CYP26B1: variants seen among roughly 807,000 people sequenced by gnomAD.
CYP26B1 encodes the protein cytochrome P450 26B1.
A neutral mutation model predicts 39.1 loss-of-function variants in CYP26B1; 8 were observed. The observed-to-expected ratio is 0.20, with a 90% CI of 0.12 to 0.37. The LOEUF (loss-of-function observed/expected upper bound fraction) is 0.37. CYP26B1 is among the 10% of genes least tolerant of loss of function. The probability of loss-of-function intolerance (pLI) is 1.00; values close to 1 mark genes in which losing one functional copy is unlikely to be tolerated. For missense variants in CYP26B1, 615 were observed against 707.0 expected (o/e 0.87, Z 1.48); for synonymous variants, 321 against 314.3 (o/e 1.02, Z -0.23).
rs369577250 is a variant in CYP26B1, at chr2:72,135,294, C to A, written c.555G>T (p.Ala185=). 1.2e-6 allele frequency: 2 copies of A among 1,614,102 alleles called. No individual in the cohort carries two copies. The highest frequency in any genetic ancestry group is 1.7e-6 in the Non-Finnish European group (2 of 1,180,050). ...TGGCCATGCGGAAGGTCAGCTTCTG[C>A]GCCTCCTGGTACACGTTGATGGCCT... The part of the protein sequence containing the change: ...HPEAINVYQE[A]QKLTFRMAIR... Residue 185 remains alanine (A), a synonymous_variant, in exon 3 of 6, where the codon GCG becomes GCT. Coordinates refer to ENST00000001146, the MANE Select transcript of CYP26B1 (RefSeq NM_019885.4).
intron 1 of CYP26B1, among the ~76,000 whole-genome samples, chr2:72,144,711 GTGT>G (rs1677068142): frequency 6.6e-6 from 1 of 152,220 alleles, no homozygotes; most frequent in Non-Finnish European, 1.5e-5. Flanking sequence ...CCGCTCTCCG[GTGT>G]GGCCCGCGCA....
chr2:72,133,088 C>G lies in CYP26B1; in HGVS notation c.1081G>C (p.Val361Leu). The G allele has an allele frequency of 6.2e-7, 1 of 1,613,256 alleles. No individual in the cohort carries two copies. Among genetic ancestry groups the G allele is most frequent in the Non-Finnish European group, 8.5e-7 (1 of 1,180,004 alleles). Residue 361 changes from valine (V) to leucine (L), a missense_variant, in exon 5 of 6, where the codon GTC becomes CTC. Coordinates refer to ENST00000001146, the MANE Select transcript of CYP26B1 (RefSeq NM_019885.4). ...GAAATGGGCGTGAACAGGCGCATGA[C>G]CTCCTTGATGACGCAGTCCAGGTAG... ...LRYLDCVIKEVMRLFTPISGG... is the reference protein window; with the variant it reads ...LRYLDCVIKELMRLFTPISGG...
At chr2:72,133,667 C>T (rs1023694042) in intron 4 of CYP26B1, among the ~76,000 whole-genome samples, 11 of 152,338 alleles carry the variant, frequency 7.2e-5, no homozygotes, top group African/African-American at 2.6e-4. Flanking sequence ...TCCCAAGGAG[C>T]CAGGCCCTGC....
At chr2:72,145,163 G>A (rs543643912) in intron 1 of CYP26B1, among the ~76,000 whole-genome samples, 141 of 152,298 alleles carry the variant, frequency 9.3e-4, no homozygotes, top group African/African-American at 3.3e-3. Context: ...GCCCACGAGC[G>A]TACCGACTCG....
intron 2 of CYP26B1, among the ~76,000 whole-genome samples, chr2:72,139,131 G>C (rs1558969904): frequency 6.6e-6 from 1 of 152,104 alleles, no homozygotes; most frequent in Non-Finnish European, 1.5e-5. Context: ...AGCCGGAGTG[G>C]GGACCCACTG....
intron 2 of CYP26B1, among the ~76,000 whole-genome samples, chr2:72,139,292 C>T (rs536316639): frequency 6.6e-6 from 1 of 152,322 alleles, no homozygotes; most frequent in Admixed American, 6.5e-5. Context: ...CAGCCGTCCG[C>T]ACAGGGGTGA....
intron 2 of CYP26B1, among the ~76,000 whole-genome samples, chr2:72,141,568 A>G (rs1441004843): frequency 6.6e-6 from 1 of 152,214 alleles, no homozygotes; most frequent in African/African-American, 2.4e-5. Flanking sequence ...GTCCTGGCCC[A>G]GCAGCCCACA....
At chr2:72,143,404 G>T (rs1280440735) in intron 2 of CYP26B1, among the ~76,000 whole-genome samples, 1 of 151,264 alleles carries the variant, frequency 6.6e-6, no homozygotes, top group East Asian at 1.9e-4. Flanking sequence ...ATCCCCGCTC[G>T]TGCCTCGCCT....
In CYP26B1 at chr2:72,134,815, G is replaced by A; in HGVS notation, c.807C>T (p.Leu269=). Residue 269 remains leucine, a synonymous_variant, in exon 4 of 6, where the codon CTC becomes CTT. Transcript: ENST00000001146. ...CGTGCTCCTTGCTGCTCTCAATGAG[G>A]AGGTCCAGGGCGTCCAAGTAGTCCT... ...QGKDYLDALD[L]LIESSKEHGK... The A allele has an allele frequency of 6.2e-7, 1 of 1,614,170 alleles. No homozygotes were observed. The highest frequency in any genetic ancestry group is 8.5e-7 in the Non-Finnish European group (1 of 1,180,002).
Position 72,147,546 on chromosome 2 carries a change from C to A in CYP26B1, c.204+85G>T. Reference sequence around the variant, plus strand: ...GGGACCAGTGCCTTCAGGCTCCCGGCGCCCCCTGGCCGGCCCGCCGCTCCG... The same window carrying A: ...GGGACCAGTGCCTTCAGGCTCCCGGAGCCCCCTGGCCGGCCCGCCGCTCCG... On this transcript the variant is annotated intron_variant, in intron 1 of 5. Transcript: ENST00000001146. This position sits in a 1 kb window ranked among gnomAD's most constrained non-coding sequence, Gnocchi z 6.1. 1 of 1,368,984 alleles carries A rather than the reference C, an allele frequency of 7.3e-7. No individual in the cohort carries two copies. Among genetic ancestry groups the A allele is most frequent in the Non-Finnish European group, 9.7e-7 (1 of 1,031,004 alleles). The allele number at this position is 1,368,984 out of a possible 1,614,324, so 84.8% of individuals were successfully genotyped here.
intron 5 of CYP26B1, 134 bp from the exon 6 acceptor site, chr2:72,132,753 C>T (rs769536671): frequency 6.8e-7 from 1 of 1,475,256 alleles, no homozygotes; most frequent in Non-Finnish European, 9.0e-7. Flanking sequence ...CACTGTGGCC[C>T]CCAAGGCCTG....
Position 72,132,190 on chromosome 2 carries a change from C to A in CYP26B1, c.*37G>T, listed in dbSNP as rs556645871. On this transcript the variant is annotated 3_prime_UTR_variant, in exon 6 of 6. Transcript: ENST00000001146. ...TTTCTACCTCCCACAACCACCACCC[C>A]GCTGCCTGGGCTGGGCTGAGGCGGG... is the stretch of plus-strand genomic sequence containing the variant. 1.3e-4 allele frequency: 209 copies of A among 1,580,758 alleles called. 1 individual carries two copies. The South Asian group carries it at 2.3e-3, about 17-fold the overall frequency.
At position 72,147,433 on chromosome 2, in the gene CYP26B1, C is replaced by T. The variant is rs1416648557; in HGVS notation, c.204+198G>A. On this transcript the variant is annotated intron_variant, in intron 1 of 5. Coordinates refer to ENST00000001146, the MANE Select transcript of CYP26B1 (RefSeq NM_019885.4). This position sits in a 1 kb window ranked among gnomAD's most constrained non-coding sequence, Gnocchi z 6.1. ...TCTTACCAGCCCCCTGAACCTGCGC[C>T]GCGGGCGCCAGTGGTCCCGGAACCG... 6.6e-6 allele frequency among the ~76,000 whole-genome samples: 1 copy of T among 152,218 alleles called. No individual in the cohort carries two copies. Among genetic ancestry groups the T allele is most frequent in the Non-Finnish European group, 1.5e-5 (1 of 68,022 alleles).
Position 72,146,980 on chromosome 2 carries a change from C to G in CYP26B1, c.204+651G>C, listed in dbSNP as rs149360009. Among the ~76,000 whole-genome samples the G allele has an allele frequency of 6.4e-3, 979 of 152,256 alleles. 10 individuals are homozygous for G. Among genetic ancestry groups the G allele is most frequent in the African/African-American group, 0.022 (915 of 41,544 alleles). On this transcript the variant is annotated intron_variant, in intron 1 of 5. Coordinates refer to ENST00000001146, the MANE Select transcript of CYP26B1 (RefSeq NM_019885.4). ...AGTTTCCCTCTCCTGCCAAACTGTC[C>G]CCACCCAATAAGTAAATAGACCCTT...
rs1676595066 is a variant in CYP26B1, at chr2:72,132,084, G to C, written c.*143C>G. On this transcript the variant is annotated 3_prime_UTR_variant, in exon 6 of 6. Coordinates refer to ENST00000001146, the MANE Select transcript of CYP26B1 (RefSeq NM_019885.4). ...ATGGGGCCCACTGGCTTTGGGTAGG[G>C]TTTGCCAGGGAGGGGGAGCAAGGGA... The C allele has an allele frequency of 1.5e-5, 15 of 970,246 alleles. No homozygotes were observed. Among genetic ancestry groups the C allele is most frequent in the Non-Finnish European group, 2.3e-5 (15 of 658,422 alleles). The allele number at this position is 970,246 out of a possible 1,614,324, so 60.1% of individuals were successfully genotyped here. A position where few individuals can be genotyped will look rare whatever the true frequency, so the allele number is the denominator to read the frequency against.
rs760927777 is a variant in CYP26B1, at chr2:72,133,223, G to T, written c.946C>A (p.Pro316Thr). 3.7e-6 allele frequency: 6 copies of T among 1,612,268 alleles called. No individual in the cohort carries two copies. The East Asian group carries it at 1.3e-4, about 36-fold the overall frequency. The stretch of plus-strand genomic sequence containing the variant: ...TCCCGCAGCTTCTCCAGCACAGTGG[G>T]GTGCTTCAGCAGCTGCATGATGAGT... Reference protein sequence around the residue: ...TSLIMQLLKHPTVLEKLRDEL... With the variant: ...TSLIMQLLKHTTVLEKLRDEL... The change falls in exon 5 of 6, where the codon CCC becomes ACC. Residue 316 changes from proline to threonine, a missense_variant. Pro to Thr is a conservative substitution (Grantham distance 38, BLOSUM62 -1). Coordinates refer to ENST00000001146, the MANE Select transcript of CYP26B1 (RefSeq NM_019885.4).
In CYP26B1 at chr2:72,129,432, T is replaced by C. The variant is rs1676486740; in HGVS notation, c.*2795A>G. 1 of 152,560 alleles carries C rather than the reference T, an allele frequency of 6.6e-6. No individual in the cohort carries two copies. The highest frequency in any genetic ancestry group is 2.4e-5 in the African/African-American group (1 of 41,414). 9.5% of individuals were successfully genotyped at this position (152,560 alleles called of 1,614,324 possible). A position where few individuals can be genotyped will look rare whatever the true frequency, so the allele number is the denominator to read the frequency against. On this transcript the variant is annotated 3_prime_UTR_variant, in exon 6 of 6. Coordinates refer to ENST00000001146, the MANE Select transcript of CYP26B1 (RefSeq NM_019885.4). Reference sequence around the variant, plus strand: ...AAAACACACAAGTGCTTTTTCAATATTAAAACGACTGTGATAAAAACATAT... The same window carrying C: ...AAAACACACAAGTGCTTTTTCAATACTAAAACGACTGTGATAAAAACATAT...
At chr2:72,137,775 C>CAGGGGTCCACACCTGACCCCTGGGGGGA (rs1243722961) in intron 2 of CYP26B1, among the ~76,000 whole-genome samples, 6 of 152,164 alleles carry the variant, frequency 3.9e-5, no homozygotes, top group Admixed American at 3.9e-4. Flanking sequence ...ACTCCAAGGG[C>CAGGGGTCCACACCTGACCCCTGGGGGGA]AGGGGTCCAC....
At chr2:72,132,968 CT>C in intron 5 of CYP26B1, 54 bp downstream of exon 5, 2 of 1,611,338 alleles carry the variant, frequency 1.2e-6, no homozygotes, top group African/African-American at 1.3e-5. Context: ...CGCCTTGCCC[CT>C]ATCCCGGTGC....
Sources: allele counts gnomAD v4.1 joint callset (sites outside exome capture counted in the v4.1 genomes callset), GRCh38; gene constraint gnomAD v4.1.1; non-coding constraint Gnocchi (gnomAD v3.1); transcripts MANE v1.5; gene names NCBI Gene and HGNC (gene_info 2026-07-23, HGNC 2026-07-21).